CALB1: variants seen among roughly 807,000 people sequenced by gnomAD.
The protein encoded by CALB1 is calbindin 1.
In CALB1, 16 loss-of-function variants were observed where a neutral mutation model predicts 46.7. The observed-to-expected ratio is 0.34, with a 90% CI of 0.23 to 0.52. CALB1 has a LOEUF of 0.52. CALB1 is among the 20% of genes least tolerant of loss of function. The probability of loss-of-function intolerance (pLI) is 0.95; values close to 1 mark genes in which losing one functional copy is unlikely to be tolerated. For missense variants in CALB1, 224 were observed against 300.3 expected, an observed-to-expected ratio of 0.75 and a Z score of 1.88; for synonymous variants, 90 against 112.8, an observed-to-expected ratio of 0.80 and a Z score of 1.28.
chr8:90,069,313 G>C (rs1554578873), intron 3 of CALB1, 76 bp from the exon 4 acceptor site: 11 of 1,113,666 alleles, frequency 9.9e-6, no homozygotes, highest in Non-Finnish European at 1.4e-6. Context: ...CTGCTGCTTA[G>C]TTTTTCTTCA....
In CALB1 at chr8:90,059,267, T is replaced by G. The variant is rs1484090316; in HGVS notation, c.*906A>C. On this transcript the variant is annotated 3_prime_UTR_variant, in exon 11 of 11. Coordinates refer to ENST00000265431, the MANE Select transcript of CALB1 (RefSeq NM_004929.4). ...TTTAATTATGTAGTAAAAAATAGAG[T>G]TGTTATAGCTAGAAAAAAATATTTT... 2 of 152,310 alleles carry G rather than the reference T, an allele frequency of 1.3e-5. No individual in the cohort carries two copies. Among genetic ancestry groups the G allele is most frequent in the African/African-American group, 4.8e-5 (2 of 41,334 alleles). 9.4% of individuals were successfully genotyped at this position (152,310 alleles called of 1,614,324 possible). A position where few individuals can be genotyped will look rare whatever the true frequency, so the allele number is the denominator to read the frequency against.
intron 3 of CALB1, among the ~76,000 whole-genome samples, chr8:90,077,301 CTT>C (rs1814639221): frequency 6.6e-6 from 1 of 151,918 alleles, no homozygotes; most frequent in African/African-American, 2.4e-5. Flanking sequence ...TATGTCCTCT[CTT>C]AACTCTATTT....
At chr8:90,079,116 G>A in intron 2 of CALB1, among the ~76,000 whole-genome samples, 1 of 151,860 alleles carries the variant, frequency 6.6e-6, no homozygotes, top group Non-Finnish European at 1.5e-5. Flanking sequence ...AAATAGCCCT[G>A]TTGCATTAGC....
At chr8:90,066,030 T>C in intron 5 of CALB1, 55 bp from the exon 6 acceptor site, 1 of 1,169,692 alleles carries the variant, frequency 8.5e-7, no homozygotes, top group Non-Finnish European at 1.3e-6. Context: ...TCGTCTACTT[T>C]CATTTCAGAA....
At chr8:90,072,609 G>A (rs562818715) in intron 3 of CALB1, among the ~76,000 whole-genome samples, 1 of 152,022 alleles carries the variant, frequency 6.6e-6, no homozygotes, top group Non-Finnish European at 1.5e-5. Flanking sequence ...GTTGTCTCTC[G>A]GTTCTTCTCT....
intron 3 of CALB1, among the ~76,000 whole-genome samples, chr8:90,070,327 C>T (rs771357698): frequency 5.3e-5 from 8 of 152,148 alleles, no homozygotes; most frequent in South Asian, 2.1e-4. Context: ...CGGGCATGGA[C>T]GGACCCTCAT....
intron 3 of CALB1, among the ~76,000 whole-genome samples, chr8:90,071,395 C>G (rs1243081185): frequency 2.6e-5 from 4 of 151,936 alleles, no homozygotes; most frequent in Non-Finnish European, 5.9e-5. Flanking sequence ...GTAGGTCTCC[C>G]CCCAGAGCTA....
chr8:90,060,981 C>G (rs1814287345), intron 9 of CALB1: 1 of 339,160 alleles, frequency 2.9e-6, no homozygotes. Flanking sequence ...TCTTCTAGGA[C>G]AAGTGAGGAA....
At position 90,069,325 on chromosome 8, in the gene CALB1, C is replaced by T. The variant is rs1374336689; in HGVS notation, c.232-88G>A. On this transcript the variant is annotated intron_variant, in intron 3 of 10. Transcript: ENST00000265431. ...TACCTGCTGCTTAGTTTTTCTTCAA[C>T]GTGTTCCCTCACAGGCTAGAAAAGT... is the stretch of plus-strand genomic sequence containing the variant. The T allele has an allele frequency of 4.2e-6, 4 of 960,638 alleles. No homozygotes were observed. In the South Asian group the frequency reaches 5.4e-5, roughly 13 times the overall value. The allele number at this position is 960,638 out of a possible 1,614,324, so 59.5% of individuals were successfully genotyped here. A position where few individuals can be genotyped will look rare whatever the true frequency, so the allele number is the denominator to read the frequency against.
At chr8:90,081,348 CA>C in intron 2 of CALB1, 1 of 281,620 alleles carries the variant, frequency 3.6e-6, no homozygotes, top group African/African-American at 2.3e-5. Flanking sequence ...TTCTTGCTTT[CA>C]ACAGAAATGA....
At chr8:90,065,088 CT>C (rs1326754178) in intron 6 of CALB1, among the ~76,000 whole-genome samples, 1 of 151,710 alleles carries the variant, frequency 6.6e-6, no homozygotes, top group East Asian at 1.9e-4. Context: ...TTCACAGTAC[CT>C]TCACAGTACT....
At chr8:90,072,277 G>A (rs1814539141) in intron 3 of CALB1, among the ~76,000 whole-genome samples, 1 of 152,148 alleles carries the variant, frequency 6.6e-6, no homozygotes, top group Non-Finnish European at 1.5e-5. Flanking sequence ...CTCACATAAA[G>A]TTGAGAGGTC....
At chr8:90,079,193 A>G (rs1814678715) in intron 2 of CALB1, among the ~76,000 whole-genome samples, 1 of 152,006 alleles carries the variant, frequency 6.6e-6, no homozygotes, top group East Asian at 1.9e-4. Context: ...AAAGCAAATT[A>G]AGGTCTCGGT....
At position 90,069,250 on chromosome 8, in the gene CALB1, T is replaced by A. The variant is rs766333237; in HGVS notation, c.232-13A>T. 5 of 1,605,538 alleles carry A rather than the reference T, an allele frequency of 3.1e-6. No individual in the cohort carries two copies. In the South Asian group the frequency reaches 4.4e-5, roughly 14 times the overall value. On this transcript the variant is annotated splice_polypyrimidine_tract_variant and intron_variant, in intron 3 of 10. Transcript: ENST00000265431. ...ATACGTGAGCCAACTGGAAAAGATT[T>A]AAGAAGAGAGAAACGTGTTGTAAGT...
At chr8:90,075,391 A>G (rs1031009341) in intron 3 of CALB1, among the ~76,000 whole-genome samples, 1 of 152,210 alleles carries the variant, frequency 6.6e-6, no homozygotes, top group East Asian at 1.9e-4. Context: ...AGCATAACAT[A>G]TAAGTAAATC....
chr8:90,060,401 A>G, intron 10 of CALB1, 115 bp from the exon 11 acceptor site: 2 of 747,182 alleles, frequency 2.7e-6, no homozygotes, highest in East Asian at 2.6e-5. Flanking sequence ...TTAACAAAAG[A>G]GCTGGATTAA....
chr8:90,081,428 C>G (rs964591559), intron 2 of CALB1: 1 of 963,734 alleles, frequency 1.0e-6, no homozygotes, highest in African/African-American at 1.8e-5. Flanking sequence ...TTAGTGAGGA[C>G]AAGATGTTTT....
chr8:90,062,881 A>G (rs1563673764), intron 9 of CALB1: 4 of 449,170 alleles, frequency 8.9e-6, no homozygotes, highest in Non-Finnish European at 1.2e-5. Flanking sequence ...CTCATAAAGT[A>G]GAATGTTATT....
Position 90,069,172 on chromosome 8 carries a change from G to A in CALB1, c.297C>T (p.Ser99=). 6 of 1,613,996 alleles carry A rather than the reference G, an allele frequency of 3.7e-6. No individual in the cohort carries two copies. Among genetic ancestry groups the A allele is most frequent in the Non-Finnish European group, 5.1e-6 (6 of 1,179,892 alleles). Residue 99 remains serine (S), a synonymous_variant, in exon 4 of 11, where the codon TCC becomes TCT. Coordinates refer to ENST00000265431, the MANE Select transcript of CALB1 (RefSeq NM_004929.4). ...LLLFRCQQLK[S]CEEFMKTWRK... ...CTTATACCTTCATGAATTCCTCACAGGACTTCAGCTGCTGGCATCGGAAGA... is the reference window on the plus strand; with the variant it reads ...CTTATACCTTCATGAATTCCTCACAAGACTTCAGCTGCTGGCATCGGAAGA...
Sources: gnomAD v4.1 joint callset for allele counts (sites outside exome capture counted in the v4.1 genomes callset) on GRCh38, gnomAD v4.1.1 for gene constraint, MANE v1.5 for transcripts, NCBI Gene and HGNC (gene_info 2026-07-23, HGNC 2026-07-21) for gene names.